GALNTL6: variants seen among roughly 807,000 people sequenced by gnomAD.
The protein encoded by GALNTL6 is polypeptide N-acetylgalactosaminyltransferase-like 6.
In GALNTL6, 46 loss-of-function variants were observed where a neutral mutation model predicts 73.7. That is an observed-to-expected ratio of 0.62 (90% confidence interval 0.49 to 0.80). The LOEUF (loss-of-function observed/expected upper bound fraction) is 0.80, where lower values mean the gene tolerates loss of function less well. GALNTL6 is among the 30% of genes least tolerant of loss of function. The probability of loss-of-function intolerance (pLI) is 0.00; values close to 1 mark genes in which losing one functional copy is unlikely to be tolerated. For synonymous variants in GALNTL6, 259 were observed against 263.7 expected (o/e 0.98, Z 0.17); for missense variants, 604 against 755.0 (o/e 0.80, Z 2.34).
chr4:172,181,533 G>A (rs923728090), intron 2 of GALNTL6, among the ~76,000 whole-genome samples: 5 of 151,968 alleles, frequency 3.3e-5, no homozygotes, highest in South Asian at 2.1e-4. Context: ...TTTGAAAACC[G>A]GCACAAGACA....
chr4:171,837,290 C>T (rs536096800), intron 2 of GALNTL6, among the ~76,000 whole-genome samples: 2 of 152,086 alleles, frequency 1.3e-5, no homozygotes, highest in East Asian at 1.9e-4. Flanking sequence ...AAATCTAGGA[C>T]GTAATCCATA....
At chr4:172,823,973 T>C (rs1285715500) in intron 7 of GALNTL6, among the ~76,000 whole-genome samples, 1 of 151,988 alleles carries the variant, frequency 6.6e-6, no homozygotes, top group African/African-American at 2.4e-5. Flanking sequence ...GCCCAAGCTG[T>C]TGGGGGCAAT....
chr4:172,085,745 A>C lies in GALNTL6; in HGVS notation c.139-143911A>C, dbSNP rs141114240. On this transcript the variant is annotated intron_variant, in intron 2 of 12. Coordinates refer to ENST00000506823, the MANE Select transcript of GALNTL6 (RefSeq NM_001034845.3). ...TTTTGTAAATGTTTGTATAACATTAAATGTTCTAAATATAAAAATAATATT... is the reference window on the plus strand; with the variant it reads ...TTTTGTAAATGTTTGTATAACATTACATGTTCTAAATATAAAAATAATATT... Among the ~76,000 whole-genome samples the C allele has an allele frequency of 9.3e-4, 141 of 152,028 alleles. No individual in the cohort carries two copies. In the East Asian group the frequency reaches 0.022, roughly 24 times the overall value.
chr4:172,941,333 C>T (rs1748909879), intron 9 of GALNTL6, among the ~76,000 whole-genome samples: 1 of 152,134 alleles, frequency 6.6e-6, no homozygotes. Flanking sequence ...GAATAGTGAT[C>T]CCAGATAATT....
chr4:172,227,439 T>A (rs1452533927), intron 2 of GALNTL6, among the ~76,000 whole-genome samples: 3 of 152,176 alleles, frequency 2.0e-5, no homozygotes, highest in Non-Finnish European at 4.4e-5. Flanking sequence ...CAGTCTTCTA[T>A]GGGTGGGAGT....
intron 2 of GALNTL6, among the ~76,000 whole-genome samples, chr4:172,138,578 A>G (rs1374262284): frequency 1.8e-5 from 2 of 110,314 alleles, no homozygotes; most frequent in Admixed American, 1.2e-4. Context: ...CGCTCAGGCT[A>G]GAGTGCAGTG....
chr4:172,184,537 C>T (rs1391132346), intron 2 of GALNTL6, among the ~76,000 whole-genome samples: 1 of 152,044 alleles, frequency 6.6e-6, no homozygotes, highest in African/African-American at 2.4e-5. Context: ...AATAGTAATG[C>T]TTAAGTGTAA....
chr4:172,118,662 T>C (rs1003149650), intron 2 of GALNTL6, among the ~76,000 whole-genome samples: 1 of 149,480 alleles, frequency 6.7e-6, no homozygotes, highest in Non-Finnish European at 1.5e-5. Context: ...ATTGTGCCAC[T>C]GCACCCCAGC....
intron 5 of GALNTL6, among the ~76,000 whole-genome samples, chr4:172,644,816 G>C (rs754051171): frequency 2.1e-4 from 32 of 152,020 alleles, no homozygotes; most frequent in Admixed American, 3.3e-4. Context: ...AGTTTCCAAA[G>C]ATCTTTGTCA....
At chr4:172,020,902 A>C (rs1741376992) in intron 2 of GALNTL6, among the ~76,000 whole-genome samples, 1 of 152,244 alleles carries the variant, frequency 6.6e-6, no homozygotes, top group African/African-American at 2.4e-5. Context: ...AAAAGTCCTC[A>C]ACAAAATACT....
intron 2 of GALNTL6, among the ~76,000 whole-genome samples, chr4:172,200,223 G>A (rs1437952996): frequency 6.6e-6 from 1 of 152,080 alleles, no homozygotes; most frequent in African/African-American, 2.4e-5. Flanking sequence ...TCACTAATAA[G>A]TGTTCCAATG....
intron 5 of GALNTL6, among the ~76,000 whole-genome samples, chr4:172,431,997 G>A (rs555588425): frequency 1.3e-5 from 2 of 152,148 alleles, no homozygotes; most frequent in East Asian, 3.9e-4. Flanking sequence ...GGTATATTAA[G>A]ATAACACATA....
chr4:172,138,877 A>AT (rs1292334045), intron 2 of GALNTL6, among the ~76,000 whole-genome samples: 7 of 151,768 alleles, frequency 4.6e-5, no homozygotes, highest in Admixed American at 2.0e-4. Flanking sequence ...GTTGTCTCTC[A>AT]TTTTTTTGTA....
At chr4:172,581,342 A>T (rs936597296) in intron 5 of GALNTL6, among the ~76,000 whole-genome samples, 1 of 152,142 alleles carries the variant, frequency 6.6e-6, no homozygotes, top group Non-Finnish European at 1.5e-5. Flanking sequence ...TGTGAACCTG[A>T]ATCCTTGGTA....
intron 5 of GALNTL6, among the ~76,000 whole-genome samples, chr4:172,477,257 AT>A (rs1733271797): frequency 6.6e-6 from 1 of 150,714 alleles, no homozygotes; most frequent in Non-Finnish European, 1.5e-5. Context: ...ATATTTAAAA[AT>A]ATTATAAAAA....
chr4:172,347,018 C>T (rs1741770356), intron 4 of GALNTL6, among the ~76,000 whole-genome samples: 1 of 124,228 alleles, frequency 8.0e-6, no homozygotes, highest in African/African-American at 3.2e-5. Context: ...GAGACAGTCT[C>T]ACTCTGTCAC....
intron 5 of GALNTL6, among the ~76,000 whole-genome samples, chr4:172,372,426 A>C (rs184554365): frequency 8.2e-4 from 125 of 152,316 alleles, no homozygotes; most frequent in Admixed American, 1.8e-3. Flanking sequence ...CATTATGAGT[A>C]GTCCAGACAG....
intron 10 of GALNTL6, among the ~76,000 whole-genome samples, chr4:172,975,176 G>A (rs1019123118): frequency 2.6e-5 from 4 of 152,194 alleles, no homozygotes; most frequent in Non-Finnish European, 4.4e-5. Context: ...GACAACTGCA[G>A]GGTGAGCAAG....
intron 9 of GALNTL6, among the ~76,000 whole-genome samples, chr4:172,932,823 G>A (rs1373964142): frequency 1.3e-5 from 2 of 152,144 alleles, no homozygotes; most frequent in African/African-American, 2.4e-5. Flanking sequence ...TTGTGGCATC[G>A]TGTTAGCACT....
Sources: gnomAD v4.1 joint callset for allele counts (sites outside exome capture counted in the v4.1 genomes callset) on GRCh38, gnomAD v4.1.1 for gene constraint, MANE v1.5 for transcripts, NCBI Gene and HGNC (gene_info 2026-07-23, HGNC 2026-07-21) for gene names.